FAM81A: variants seen among roughly 807,000 people sequenced by gnomAD.
FAM81A encodes the protein family with sequence similarity 81 member A.
In FAM81A, 19 loss-of-function variants were observed where a neutral mutation model predicts 46.7. That is an observed-to-expected ratio of 0.41 (90% CI 0.28 to 0.60). The LOEUF is 0.60. FAM81A is among the 20% of genes least tolerant of loss of function. The pLI is 0.34. For missense variants in FAM81A, 377 were observed against 453.5 expected, an observed-to-expected ratio of 0.83 and a Z score of 1.53; for synonymous variants, 183 against 152.9, an observed-to-expected ratio of 1.20 and a Z score of -1.45.
At position 59,507,315 on chromosome 15, in the gene FAM81A, A is replaced by G; in HGVS notation, c.516A>G (p.Glu172=). 6.2e-7 allele frequency: 1 copy of G among 1,612,530 alleles called. No individual in the cohort carries two copies. The highest frequency in any genetic ancestry group is 8.5e-7 in the Non-Finnish European group (1 of 1,179,256). The part of the protein sequence containing the change: ...KEQQAAKLIL[E]TKIKDAEGQI... ...AGCAGGCTGCCAAACTTATCTTGGA[A>G]ACGAAAATCAAAGATGCAGAGGGAC... Residue 172 remains glutamate (E), a synonymous_variant, in exon 5 of 9, where the codon GAA becomes GAG. Coordinates refer to ENST00000288228, the MANE Select transcript of FAM81A (RefSeq NM_152450.3).
At chr15:59,404,095 A>T (rs1375742227) in intron 2 of FAM81A, among the ~76,000 whole-genome samples, 1 of 152,044 alleles carries the variant, frequency 6.6e-6, no homozygotes, top group East Asian at 1.9e-4. Flanking sequence ...GTTGGCCAGG[A>T]TGGTCTCGAT....
chr15:59,403,887 C>CT (rs11387570), intron 2 of FAM81A, among the ~76,000 whole-genome samples: 53,262 of 140,018 alleles, frequency 0.38, 11,546 homozygotes, highest in African/African-American at 0.6. Context: ...CTTTTCTTTT[C>CT]TTTTTTTTTT....
At chr15:59,509,210 G>C (rs1260740634) in intron 6 of FAM81A, among the ~76,000 whole-genome samples, 1 of 152,104 alleles carries the variant, frequency 6.6e-6, no homozygotes, top group African/African-American at 2.4e-5. Context: ...ATTGGCCTAG[G>C]GGCTGAGGAT....
intron 3 of FAM81A, among the ~76,000 whole-genome samples, chr15:59,472,073 A>G (rs1191497848): frequency 1.3e-5 from 2 of 152,148 alleles, no homozygotes; most frequent in South Asian, 2.1e-4. Context: ...TTGAATACAA[A>G]CTGGGATGGC....
rs993840464 is a variant in FAM81A, at chr15:59,503,522, A to G, written c.414-3691A>G. Among the ~76,000 whole-genome samples the G allele has an allele frequency of 1.2e-4, 19 of 152,058 alleles. No individual in the cohort carries two copies. The South Asian group carries it at 2.7e-3, about 22-fold the overall frequency. Reference sequence around the variant, plus strand: ...GCACATAGATCTAGCATGCTTTTTAATTGGATATGGAGTATTCTGCTACAT... The same window carrying G: ...GCACATAGATCTAGCATGCTTTTTAGTTGGATATGGAGTATTCTGCTACAT... On this transcript the variant is annotated intron_variant, in intron 4 of 8. Transcript: ENST00000288228.
At chr15:59,433,789 C>T (rs990044446), upstream of FAM81A, among the ~76,000 whole-genome samples, 2 of 152,156 alleles carry the variant, frequency 1.3e-5, no homozygotes, top group African/African-American at 4.8e-5. Flanking sequence ...AATAACGTCC[C>T]AAGGTCTGAA....
Position 59,460,011 on chromosome 15 carries a change from G to A in FAM81A, c.99G>A (p.Leu33=). The A allele has an allele frequency of 1.2e-6, 2 of 1,613,770 alleles. No homozygotes were observed. Among genetic ancestry groups the A allele is most frequent in the South Asian group, 2.2e-5 (2 of 91,032 alleles). Residue 33 remains leucine, a synonymous_variant, in exon 3 of 9, where the codon CTG becomes CTA. Transcript: ENST00000288228. The surrounding 1 kb of genome is among the most constrained non-coding windows in gnomAD (Gnocchi z 4.4). Reference sequence around the variant, plus strand: ...CATCTGTAAGCCTCGTGGAGCAGCTGGAAGACAGGATCCTCTGCCATGAGA... The same window carrying A: ...CATCTGTAAGCCTCGTGGAGCAGCTAGAAGACAGGATCCTCTGCCATGAGA... The part of the protein sequence containing the change: ...PYSSVSLVEQ[L]EDRILCHEKT...
chr15:59,469,196 G>C (rs2081653517), intron 3 of FAM81A, among the ~76,000 whole-genome samples: 1 of 152,174 alleles, frequency 6.6e-6, no homozygotes, highest in Non-Finnish European at 1.5e-5. Flanking sequence ...GTTGATTTGG[G>C]GTGGAGAGTT....
chr15:59,506,559 A>G (rs2082151541), intron 4 of FAM81A, among the ~76,000 whole-genome samples: 1 of 152,178 alleles, frequency 6.6e-6, no homozygotes, highest in Admixed American at 6.5e-5. Context: ...ACAGAGGAAT[A>G]TTGTCTCAGA....
In FAM81A at chr15:59,420,133, A is replaced by G. The variant is rs1366353935; in HGVS notation, c.-78+17775A>G. Among the ~76,000 whole-genome samples, 9 of 152,332 alleles carry G rather than the reference A, an allele frequency of 5.9e-5. No individual in the cohort carries two copies. In the East Asian group the frequency reaches 1.5e-3, roughly 26 times the overall value. Reference sequence around the variant, plus strand: ...GGAGAATGACTCTTTAGGGACTGCCATCTAAGAAGCAGGGCAAAAATGTTC... The same window carrying G: ...GGAGAATGACTCTTTAGGGACTGCCGTCTAAGAAGCAGGGCAAAAATGTTC... On this transcript the variant is annotated intron_variant, in intron 2 of 4. Transcript: ENST00000558348.
intron 3 of FAM81A, among the ~76,000 whole-genome samples, chr15:59,465,509 G>A (rs2081601458): frequency 6.6e-6 from 1 of 152,118 alleles, no homozygotes; most frequent in Non-Finnish European, 1.5e-5. Flanking sequence ...CTGACCTCAG[G>A]TGATCCGCCC....
intron 2 of FAM81A, among the ~76,000 whole-genome samples, chr15:59,429,135 C>T (rs1263149377): frequency 6.6e-6 from 1 of 152,168 alleles, no homozygotes; most frequent in Non-Finnish European, 1.5e-5. Flanking sequence ...AGGTACTATT[C>T]TTTCTTCAAC....
intron 3 of FAM81A, among the ~76,000 whole-genome samples, chr15:59,489,386 A>G (rs2081958990): frequency 6.6e-6 from 1 of 152,152 alleles, no homozygotes; most frequent in Non-Finnish European, 1.5e-5. Flanking sequence ...ACTATAAAAC[A>G]TTGATGTGAG....
chr15:59,440,324 C>T (rs551556021), intron 1 of FAM81A, among the ~76,000 whole-genome samples: 13 of 152,124 alleles, frequency 8.5e-5, no homozygotes, highest in Admixed American at 8.5e-4. Context: ...TAAAAACAAA[C>T]CCCAAAAGGA....
At chr15:59,411,998 A>AC (rs1316795236) in intron 2 of FAM81A, among the ~76,000 whole-genome samples, 23 of 151,932 alleles carry the variant, frequency 1.5e-4, no homozygotes, top group African/African-American at 4.8e-4. Flanking sequence ...AAACAAACAA[A>AC]AAAAAAAAAC....
At chr15:59,454,122 C>T (rs1215641563) in intron 1 of FAM81A, among the ~76,000 whole-genome samples, 4 of 152,218 alleles carry the variant, frequency 2.6e-5, no homozygotes, top group Non-Finnish European at 5.9e-5. Flanking sequence ...ACTGTTCCTG[C>T]CCTCTATCCT....
chr15:59,476,516 C>T (rs1338248799), intron 3 of FAM81A, among the ~76,000 whole-genome samples: 26 of 152,216 alleles, frequency 1.7e-4, no homozygotes, highest in Admixed American at 5.2e-4. Flanking sequence ...CGGTGGCTCA[C>T]GCCTGTAATC....
chr15:59,490,053 T>C (rs1298198425), intron 3 of FAM81A, among the ~76,000 whole-genome samples: 3 of 150,684 alleles, frequency 2.0e-5, no homozygotes, highest in African/African-American at 7.3e-5. Context: ...ACAACAAACA[T>C]CCATGGCACG....
intron 2 of FAM81A, among the ~76,000 whole-genome samples, chr15:59,414,988 T>C (rs1252191882): frequency 6.7e-6 from 1 of 149,026 alleles, no homozygotes; most frequent in Non-Finnish European, 1.5e-5. Context: ...GCTAATTTTT[T>C]TGTATTTTTA....
Sources: gnomAD v4.1 joint callset for allele counts (sites outside exome capture counted in the v4.1 genomes callset) on GRCh38, gnomAD v4.1.1 for gene constraint, Gnocchi (gnomAD v3.1) non-coding constraint, MANE v1.5 for transcripts, NCBI Gene and HGNC (gene_info 2026-07-23, HGNC 2026-07-21) for gene names.